WAPL: variants seen among roughly 807,000 people sequenced by gnomAD.
WAPL encodes wings apart-like protein homolog.
A neutral mutation model predicts 121.0 loss-of-function variants in WAPL; 5 were observed. The ratio of observed to expected loss-of-function variants is 0.04; its 90% CI spans 0.02 to 0.09. The LOEUF (loss-of-function observed/expected upper bound fraction) is 0.09, where lower values mean the gene tolerates loss of function less well. WAPL is among the 10% of genes least tolerant of loss of function. WAPL has a pLI of 1.00. For synonymous variants in WAPL, 480 were observed against 481.5 expected (o/e 1.00, Z 0.04); for missense variants, 999 against 1,410.8 (o/e 0.71, Z 4.68).
chr10:86,468,610 CTG>C (rs1448453475), intron 8 of WAPL, among the ~76,000 whole-genome samples: 1 of 152,180 alleles, frequency 6.6e-6, no homozygotes, highest in Non-Finnish European at 1.5e-5. Flanking sequence ...GAAAACACAG[CTG>C]TGTTTACATC....
At chr10:86,457,970 A>G (rs750674310) in intron 12 of WAPL, among the ~76,000 whole-genome samples, 9 of 152,190 alleles carry the variant, frequency 5.9e-5, no homozygotes, top group Non-Finnish European at 1.2e-4. Context: ...ACAGATGGAA[A>G]CCAGACTGGC....
At chr10:86,446,032 G>A (rs1180341068) in intron 16 of WAPL, among the ~76,000 whole-genome samples, 3 of 152,136 alleles carry the variant, frequency 2.0e-5, no homozygotes, top group Non-Finnish European at 2.9e-5. Flanking sequence ...GATCTTTCCC[G>A]TCACTAGCAT....
chr10:86,510,113 T>C (rs1440440677), intron 2 of WAPL, among the ~76,000 whole-genome samples: 50 of 121,852 alleles, frequency 4.1e-4, no homozygotes, highest in South Asian at 8.9e-4. Context: ...CTCGTTCTGT[T>C]GCCCAGGCTG....
intron 4 of WAPL, among the ~76,000 whole-genome samples, chr10:86,489,499 T>C (rs546252660): frequency 4.3e-4 from 66 of 152,112 alleles, no homozygotes; most frequent in Non-Finnish European, 8.5e-4. Context: ...CACACACACA[T>C]ACATATACAG....
At position 86,472,822 on chromosome 10, in the gene WAPL, C is replaced by T; in HGVS notation, c.1741-58G>A. On this transcript the variant is annotated intron_variant, in intron 5 of 18. Transcript: ENST00000298767. The surrounding 1 kb of genome is among the most constrained non-coding windows in gnomAD (Gnocchi z 4.2). ...AATAAATATATAAAAATAGGAACGTCTCATCTATCTGGCAAATTCAGCTTC... is the reference window on the plus strand; with the variant it reads ...AATAAATATATAAAAATAGGAACGTTTCATCTATCTGGCAAATTCAGCTTC... 1.4e-6 allele frequency: 2 copies of T among 1,462,364 alleles called. No homozygotes were observed. Among genetic ancestry groups the T allele is most frequent in the Non-Finnish European group, 1.8e-6 (2 of 1,097,900 alleles). The allele number at this position is 1,462,364 out of a possible 1,614,324, so 90.6% of individuals were successfully genotyped here. A position where few individuals can be genotyped will look rare whatever the true frequency, so the allele number is the denominator to read the frequency against.
chr10:86,473,390 G>A (rs1468340689), intron 5 of WAPL, among the ~76,000 whole-genome samples: 1 of 152,128 alleles, frequency 6.6e-6, no homozygotes, highest in Non-Finnish European at 1.5e-5. Context: ...AATCATGTAT[G>A]ATATTACCAG....
intron 11 of WAPL, among the ~76,000 whole-genome samples, chr10:86,460,083 A>G (rs1368664901): frequency 6.6e-6 from 1 of 152,248 alleles, no homozygotes; most frequent in Non-Finnish European, 1.5e-5. Flanking sequence ...ACTGCACTGT[A>G]GCCTGGGTGA....
intron 15 of WAPL, among the ~76,000 whole-genome samples, chr10:86,447,154 T>C (rs532372144): frequency 2.0e-4 from 31 of 152,198 alleles, no homozygotes; most frequent in Non-Finnish European, 4.0e-4. Context: ...CAGTGGAGTT[T>C]TGGAATCTAC....
intron 15 of WAPL, among the ~76,000 whole-genome samples, chr10:86,449,340 A>G (rs1171438029): frequency 6.6e-6 from 1 of 152,226 alleles, no homozygotes; most frequent in Non-Finnish European, 1.5e-5. Flanking sequence ...ATGTGAGTAC[A>G]AGGCAGCACA....
intron 2 of WAPL, among the ~76,000 whole-genome samples, chr10:86,507,036 G>T (rs1268154574): frequency 1.5e-5 from 2 of 137,696 alleles, no homozygotes; most frequent in Admixed American, 7.4e-5. Context: ...ATAATAAAAA[G>T]ACAACAAAAA....
chr10:86,446,096 A>T, intron 16 of WAPL, 146 bp downstream of exon 16: 1 of 823,606 alleles, frequency 1.2e-6, no homozygotes, highest in Non-Finnish European at 1.9e-6. Context: ...ACAAGCACTT[A>T]AGTATCAAAG....
chr10:86,506,961 C>T (rs2132227143), intron 2 of WAPL, among the ~76,000 whole-genome samples: 1 of 151,878 alleles, frequency 6.6e-6, no homozygotes, highest in African/African-American at 2.4e-5. Context: ...GATTACTCCT[C>T]CACCCTGTTA....
rs1840992306 is a variant in WAPL, at chr10:86,451,990, G to A, written c.3091C>T (p.His1031Tyr). The A allele has an allele frequency of 6.2e-7, 1 of 1,614,144 alleles. No homozygotes were observed. Among genetic ancestry groups the A allele is most frequent in the Non-Finnish European group, 8.5e-7 (1 of 1,180,030 alleles). Residue 1031 changes from histidine (H) to tyrosine (Y), a missense_variant, in exon 15 of 19, where the codon CAT becomes TAT. By Grantham distance (83) the His-to-Tyr change is moderately conservative. Around this residue, in one of 7 missense-constraint regions of WAPL, gnomAD observed 126 missense variants for 144.0 expected, o/e 0.87. Coordinates refer to ENST00000298767, the MANE Select transcript of WAPL (RefSeq NM_015045.5). ...ACCTGCACTAAAGCCTGGACAGCATGAACTTGTCCACCTATCCTTAAACTA... is the reference window on the plus strand; with the variant it reads ...ACCTGCACTAAAGCCTGGACAGCATAAACTTGTCCACCTATCCTTAAACTA... ...DDSLRIGGQV[H>Y]AVQALVQLFL...
chr10:86,484,110 T>C (rs774767941), intron 4 of WAPL, among the ~76,000 whole-genome samples: 6 of 152,238 alleles, frequency 3.9e-5, no homozygotes, highest in African/African-American at 7.2e-5. Flanking sequence ...AATATTTTTG[T>C]ACAGTAGTAC....
intron 4 of WAPL, among the ~76,000 whole-genome samples, chr10:86,485,422 A>G (rs1841909886): frequency 6.6e-6 from 1 of 152,106 alleles, no homozygotes; most frequent in African/African-American, 2.4e-5. Flanking sequence ...CTGTAGTCCC[A>G]GCTACTCAAG....
intron 4 of WAPL, among the ~76,000 whole-genome samples, chr10:86,491,932 A>G (rs1842056060): frequency 6.6e-6 from 1 of 152,178 alleles, no homozygotes; most frequent in Admixed American, 6.5e-5. Flanking sequence ...ATTATTAACT[A>G]CAGGTCTCCT....
chr10:86,520,318 T>C (rs1165260770), intron 1 of WAPL, among the ~76,000 whole-genome samples: 1 of 152,064 alleles, frequency 6.6e-6, no homozygotes, highest in Admixed American at 6.6e-5. Flanking sequence ...ATAATGATAA[T>C]AATAATTTTG....
At chr10:86,469,353 AGCAATTCTT>A (rs1409799182) in intron 8 of WAPL, among the ~76,000 whole-genome samples, 1 of 143,128 alleles carries the variant, frequency 7.0e-6, no homozygotes, top group Non-Finnish European at 1.5e-5. Flanking sequence ...CCCAGGTTCC[AGCAATTCTT>A]GTGCCTCAGC....
intron 10 of WAPL, 134 bp downstream of exon 10, chr10:86,461,042 A>G: frequency 1.4e-6 from 1 of 733,212 alleles, no homozygotes; most frequent in East Asian, 2.9e-5. Flanking sequence ...AGAAATTTGC[A>G]GGATGCAACT....
Sources: allele counts gnomAD v4.1 joint callset (sites outside exome capture counted in the v4.1 genomes callset), GRCh38; gene constraint gnomAD v4.1.1; regional missense constraint gnomAD v4.1.1; non-coding constraint Gnocchi (gnomAD v3.1); transcripts MANE v1.5; gene names NCBI Gene and HGNC (gene_info 2026-07-23, HGNC 2026-07-21).